Variants in LHPP observed in about 807,000 individuals in gnomAD.
LHPP encodes the protein hLHPP.
Under a neutral mutation model 30.3 loss-of-function variants are expected in LHPP, and 24 were observed. The observed-to-expected ratio is 0.79, with a 90% confidence interval of 0.57 to 1.11. The LOEUF is 1.11. Among genes scored for constraint, LHPP ranks in the 50% most tolerant of loss-of-function variants. The pLI, the probability that LHPP is intolerant of heterozygous loss-of-function variation, is 0.00. For missense variants in LHPP, 356 were observed against 367.2 expected, an observed-to-expected ratio of 0.97 and a Z score of 0.25; for synonymous variants, 150 against 157.1, an observed-to-expected ratio of 0.95 and a Z score of 0.34.
At chr10:124,548,796 G>A (rs1955412719) in intron 6 of LHPP, among the ~76,000 whole-genome samples, 1 of 152,202 alleles carries the variant, frequency 6.6e-6, no homozygotes, top group Non-Finnish European at 1.5e-5. Flanking sequence ...GCTTCCCCAA[G>A]GCCATACAGC....
intron 6 of LHPP, among the ~76,000 whole-genome samples, chr10:124,609,669 T>C (rs1013328587): frequency 1.2e-4 from 18 of 152,338 alleles, no homozygotes; most frequent in African/African-American, 4.3e-4. Flanking sequence ...TATTCACCTT[T>C]CCGTTAGGAA....
At position 124,510,290 on chromosome 10, in the gene LHPP, G is replaced by A. The variant is rs984335119; in HGVS notation, c.625-6890G>A. On this transcript the variant is annotated intron_variant, in intron 5 of 6. Coordinates refer to ENST00000368842, the MANE Select transcript of LHPP (RefSeq NM_022126.4). This position sits in a 1 kb window ranked among gnomAD's most constrained non-coding sequence, Gnocchi z 4.0. ...CCTTGCGTGATTATTGCCCTTCACCGATAGTAAATCTGGGAATCCCCTGGG... is the reference window on the plus strand; with the variant it reads ...CCTTGCGTGATTATTGCCCTTCACCAATAGTAAATCTGGGAATCCCCTGGG... Among the ~76,000 whole-genome samples the A allele has an allele frequency of 6.6e-6, 1 of 152,126 alleles. No homozygotes were observed. The highest frequency in any genetic ancestry group is 1.5e-5 in the Non-Finnish European group (1 of 68,026).
rs1056868868 is a variant in LHPP, at chr10:124,484,442, A to G, written c.313+116A>G. On this transcript the variant is annotated intron_variant, in intron 2 of 6. Coordinates refer to ENST00000368842, the MANE Select transcript of LHPP (RefSeq NM_022126.4). Reference sequence around the variant, plus strand: ...AACCACTGACTGAGCTAGGCCACCAACACTCATGGGTTGGGGGTAAAAACC... The same window carrying G: ...AACCACTGACTGAGCTAGGCCACCAGCACTCATGGGTTGGGGGTAAAAACC... 1.2e-5 allele frequency: 12 copies of G among 1,014,910 alleles called. No homozygotes were observed. The African/African-American group carries it at 1.3e-4, about 11-fold the overall frequency. The allele number at this position is 1,014,910 out of a possible 1,614,324, so 62.9% of individuals were successfully genotyped here. A position where few individuals can be genotyped will look rare whatever the true frequency, so the allele number is the denominator to read the frequency against.
rs190111640 is a variant in LHPP at position 124,478,024 on chromosome 10, A to G, written c.126-6115A>G. ...CTGAGGATGGGGCTGGTCCTGCGCC[A>G]GGGTGCCCCCAGGTGCTGATCTTGG... On this transcript the variant is annotated intron_variant, in intron 1 of 6. Transcript: ENST00000368842. The surrounding 1 kb of genome is among the most constrained non-coding windows in gnomAD (Gnocchi z 4.7). Among the ~76,000 whole-genome samples, 2 of 152,266 alleles carry G rather than the reference A, an allele frequency of 1.3e-5. No homozygotes were observed. The highest frequency in any genetic ancestry group is 1.3e-4 in the Admixed American group (2 of 15,302).
At chr10:124,525,419 C>A (rs1215474391) in intron 6 of LHPP, among the ~76,000 whole-genome samples, 1 of 152,228 alleles carries the variant, frequency 6.6e-6, no homozygotes, top group Admixed American at 6.5e-5. Flanking sequence ...TTTATGCCCC[C>A]ACCACGGGGG....
chr10:124,483,630 G>A (rs960961893), intron 1 of LHPP, among the ~76,000 whole-genome samples: 1 of 152,120 alleles, frequency 6.6e-6, no homozygotes, highest in African/African-American at 2.4e-5. Flanking sequence ...GATGGCAGGC[G>A]CCTGTAATCC....
intron 1 of LHPP, among the ~76,000 whole-genome samples, chr10:124,463,944 G>A (rs1209639618): frequency 3.3e-5 from 5 of 150,962 alleles, no homozygotes; most frequent in Non-Finnish European, 7.4e-5. Context: ...AGCCTCCCAA[G>A]TAGCTGGAAC....
intron 6 of LHPP, among the ~76,000 whole-genome samples, chr10:124,546,540 C>T (rs1478067489): frequency 6.6e-6 from 1 of 152,172 alleles, no homozygotes; most frequent in African/African-American, 2.4e-5. Context: ...GTAGCTGGGA[C>T]TACAGGTGCC....
At chr10:124,569,511 T>C (rs1241547505) in intron 6 of LHPP, among the ~76,000 whole-genome samples, 2 of 151,622 alleles carry the variant, frequency 1.3e-5, no homozygotes, top group Non-Finnish European at 2.9e-5. Context: ...CCAAAGCAAA[T>C]GGAAAAGGCA....
At chr10:124,568,421 G>A (rs573667002) in intron 6 of LHPP, among the ~76,000 whole-genome samples, 1 of 152,262 alleles carries the variant, frequency 6.6e-6, no homozygotes, top group East Asian at 1.9e-4. Context: ...CTCTGCCCCC[G>A]GGACAGTTTT....
chr10:124,532,902 C>T (rs777727264), intron 6 of LHPP, among the ~76,000 whole-genome samples: 4 of 152,172 alleles, frequency 2.6e-5, no homozygotes, highest in South Asian at 2.1e-4. Context: ...TTCAGGTGCT[C>T]GACTGGGCTG....
At chr10:124,591,550 G>A (rs1206106432) in intron 6 of LHPP, among the ~76,000 whole-genome samples, 1 of 152,088 alleles carries the variant, frequency 6.6e-6, no homozygotes, top group Non-Finnish European at 1.5e-5. Flanking sequence ...GCCCAGAAAA[G>A]GGACTTGCCC....
At position 124,484,089 on chromosome 10, in the gene LHPP, C is replaced by T. The variant is rs201229953; in HGVS notation, c.126-50C>T. On this transcript the variant is annotated intron_variant, in intron 1 of 6. Coordinates refer to ENST00000368842, the MANE Select transcript of LHPP (RefSeq NM_022126.4). ...ATCACCGCGCAACCTCCTTCAGAGG[C>T]CCAACACTCCACGTGCTGACTTCCC... The T allele has an allele frequency of 5.7e-6, 9 of 1,573,318 alleles. No individual in the cohort carries two copies. The East Asian group carries it at 1.8e-4, about 32-fold the overall frequency.
intron 6 of LHPP, among the ~76,000 whole-genome samples, chr10:124,566,092 C>T (rs1439378382): frequency 2.0e-5 from 3 of 152,248 alleles, no homozygotes; most frequent in Non-Finnish European, 2.9e-5. Context: ...GCCACTCCGG[C>T]GGCAGCAAGA....
At position 124,588,526 on chromosome 10, in the gene LHPP, C is replaced by T. The variant is rs1948833526; in HGVS notation, c.717-24738C>T. On this transcript the variant is annotated intron_variant, in intron 6 of 6. Transcript: ENST00000368842. ...CTTGAACTCCTGACCCCAAGTGATC[C>T]GCCCGCCCAAAGTGCTGGGATTACA... 2.6e-5 allele frequency among the ~76,000 whole-genome samples: 4 copies of T among 152,154 alleles called. No individual in the cohort carries two copies. In the South Asian group the frequency reaches 6.2e-4, roughly 24 times the overall value.
chr10:124,609,920 C>T (rs1949146534), intron 6 of LHPP, among the ~76,000 whole-genome samples: 1 of 152,250 alleles, frequency 6.6e-6, no homozygotes, highest in Non-Finnish European at 1.5e-5. Flanking sequence ...CAGTGTTTGA[C>T]TTTTGCTATT....
chr10:124,566,672 G>A (rs998262566), intron 6 of LHPP, among the ~76,000 whole-genome samples: 1 of 152,224 alleles, frequency 6.6e-6, no homozygotes, highest in South Asian at 2.1e-4. Flanking sequence ...GGTCTTTTGT[G>A]CAGGACTGAT....
At chr10:124,520,133 T>C (rs1448408804) in intron 6 of LHPP, among the ~76,000 whole-genome samples, 4 of 152,026 alleles carry the variant, frequency 2.6e-5, no homozygotes, top group Non-Finnish European at 5.9e-5. Context: ...GCGCCCGGCC[T>C]CTTTCTTTTT....
chr10:124,552,970 C>T (rs1292377228), intron 6 of LHPP, among the ~76,000 whole-genome samples: 5 of 152,218 alleles, frequency 3.3e-5, no homozygotes, highest in African/African-American at 1.2e-4. Flanking sequence ...TTACCAAAAA[C>T]CTTGCAATTA....
Sources: allele counts gnomAD v4.1 joint callset (sites outside exome capture counted in the v4.1 genomes callset), GRCh38; gene constraint gnomAD v4.1.1; non-coding constraint Gnocchi (gnomAD v3.1); transcripts MANE v1.5; gene names NCBI Gene and HGNC (gene_info 2026-07-23, HGNC 2026-07-21).